Variants in IGSF11 observed in about 807,000 individuals in gnomAD.
IGSF11 encodes the protein immunoglobulin superfamily member 11, also known as CXADR like 1.
Under a neutral mutation model 41.0 loss-of-function variants are expected in IGSF11, and 22 were observed. The ratio of observed to expected loss-of-function variants is 0.54; its 90% CI spans 0.38 to 0.77. The LOEUF is 0.77. Ranked by LOEUF, IGSF11 falls within the 30% of genes least tolerant of loss-of-function variation. IGSF11 has a pLI of 0.00. For synonymous variants in IGSF11, 219 were observed against 201.3 expected, an observed-to-expected ratio of 1.09 and a Z score of -0.74; for missense variants, 444 against 530.8, an observed-to-expected ratio of 0.84 and a Z score of 1.61.
intron 1 of IGSF11, among the ~76,000 whole-genome samples, chr3:118,973,995 C>T (rs1488962525): frequency 3.3e-5 from 5 of 152,082 alleles, no homozygotes; most frequent in African/African-American, 9.6e-5. Context: ...AGCTATTGCA[C>T]GTGGGGCTTA....
chr3:118,901,625 T>G lies in IGSF11; in HGVS notation c.*895A>C, dbSNP rs2107457763. The stretch of plus-strand genomic sequence containing the variant: ...AGGCTACAACCCCTTAGCCCTACCT[T>G]CCTGCCCACACAACCTAGCTCGGTC... On this transcript the variant is annotated 3_prime_UTR_variant, in exon 7 of 7. Coordinates refer to ENST00000393775, the MANE Select transcript of IGSF11 (RefSeq NM_001015887.3). The G allele has an allele frequency of 6.6e-6, 1 of 152,184 alleles. No homozygotes were observed. Among genetic ancestry groups the G allele is most frequent in the African/African-American group, 2.4e-5 (1 of 41,492 alleles). 9.4% of individuals were successfully genotyped at this position (152,184 alleles called of 1,614,324 possible). A position where few individuals can be genotyped will look rare whatever the true frequency, so the allele number is the denominator to read the frequency against.
At chr3:118,969,909 C>G (rs1933182873) in intron 1 of IGSF11, among the ~76,000 whole-genome samples, 1 of 152,196 alleles carries the variant, frequency 6.6e-6, no homozygotes. Flanking sequence ...CTTCCCTCAT[C>G]CTCCTCATCT....
chr3:119,059,065 G>A (rs1190188888), intron 1 of IGSF11, among the ~76,000 whole-genome samples: 4 of 151,714 alleles, frequency 2.6e-5, no homozygotes, highest in African/African-American at 9.7e-5. Flanking sequence ...CATGGCACAT[G>A]TATACATATG....
intron 1 of IGSF11, among the ~76,000 whole-genome samples, chr3:119,028,797 A>T (rs1458374108): frequency 6.6e-6 from 1 of 152,132 alleles, no homozygotes; most frequent in Non-Finnish European, 1.5e-5. Flanking sequence ...GTCACACCAA[A>T]TCCCTAAAGA....
intron 1 of IGSF11, among the ~76,000 whole-genome samples, chr3:118,976,913 C>A (rs1934176440): frequency 6.6e-6 from 1 of 152,110 alleles, no homozygotes; most frequent in African/African-American, 2.4e-5. Context: ...GTCATAAATT[C>A]TCTAAGAAGT....
intron 4 of IGSF11, among the ~76,000 whole-genome samples, chr3:118,916,563 T>G (rs1347032793): frequency 6.6e-6 from 1 of 151,272 alleles, no homozygotes; most frequent in East Asian, 1.9e-4. Context: ...CTAACTATCC[T>G]AAATATATAT....
At chr3:119,123,063 C>A (rs913102015) in intron 1 of IGSF11, among the ~76,000 whole-genome samples, 1 of 152,138 alleles carries the variant, frequency 6.6e-6, no homozygotes, top group Non-Finnish European at 1.5e-5. Context: ...TGATTCCAGG[C>A]CTTGGTTCTT....
intron 2 of IGSF11, 40 bp downstream of exon 2, chr3:118,930,072 A>C: frequency 6.3e-7 from 1 of 1,576,932 alleles, no homozygotes. Flanking sequence ...CTCTGAAAAG[A>C]TTAACCTTTT....
chr3:119,017,616 TTTC>T (rs1325280777), intron 1 of IGSF11, among the ~76,000 whole-genome samples: 3 of 152,160 alleles, frequency 2.0e-5, no homozygotes, highest in Non-Finnish European at 2.9e-5. Context: ...TCTGATCATT[TTTC>T]TTGTTTATAA....
At chr3:119,137,881 A>G (rs1250789199) in intron 1 of IGSF11, among the ~76,000 whole-genome samples, 1 of 152,178 alleles carries the variant, frequency 6.6e-6, no homozygotes, top group Admixed American at 6.6e-5. Flanking sequence ...TGATAATCCA[A>G]TCAAAAATGG....
At chr3:119,127,367 A>T (rs886523733) in intron 1 of IGSF11, among the ~76,000 whole-genome samples, 1 of 152,048 alleles carries the variant, frequency 6.6e-6, no homozygotes, top group African/African-American at 2.4e-5. Flanking sequence ...TCCAAGAAAT[A>T]TGGTACTTCA....
At chr3:118,991,856 A>C (rs1935820863) in intron 1 of IGSF11, among the ~76,000 whole-genome samples, 1 of 152,270 alleles carries the variant, frequency 6.6e-6, no homozygotes, top group Non-Finnish European at 1.5e-5. Flanking sequence ...GAAAAGATAG[A>C]GAACAGAATC....
intron 1 of IGSF11, among the ~76,000 whole-genome samples, chr3:119,028,154 T>C (rs9840095): frequency 0.19 from 28,288 of 152,142 alleles, 2,826 homozygotes; most frequent in African/African-American, 0.25. Context: ...GATTAGTAAA[T>C]GACTTTTGAT....
chr3:118,957,798 C>T (rs1945068143), intron 1 of IGSF11, among the ~76,000 whole-genome samples: 1 of 152,222 alleles, frequency 6.6e-6, no homozygotes, highest in African/African-American at 2.4e-5. Flanking sequence ...AGTGCTCTGT[C>T]TATAGGCTAA....
intron 1 of IGSF11, among the ~76,000 whole-genome samples, chr3:119,022,882 C>A (rs115085893): frequency 0.01 from 1,530 of 152,178 alleles, 21 homozygotes; most frequent in African/African-American, 0.035. Flanking sequence ...ATATACCCAA[C>A]AGAAATGCAT....
chr3:118,938,546 G>T (rs1422006977), intron 1 of IGSF11, among the ~76,000 whole-genome samples: 1 of 152,148 alleles, frequency 6.6e-6, no homozygotes, highest in African/African-American at 2.4e-5. Flanking sequence ...GCAGAACCAG[G>T]CTTTGCAGTG....
At chr3:119,025,971 G>C (rs1219510141) in intron 1 of IGSF11, among the ~76,000 whole-genome samples, 2 of 152,060 alleles carry the variant, frequency 1.3e-5, no homozygotes, top group Non-Finnish European at 2.9e-5. Context: ...TAACAGATGT[G>C]GTAAGATGCC....
Position 119,056,552 on chromosome 3 carries a change from G to A in IGSF11, c.49+48592C>T, listed in dbSNP as rs572863435. ...GAATTCTACCAGAGGTACAAGGAGG[G>A]GCTGTTACCATTCCTTCTGAAACTA... On this transcript the variant is annotated intron_variant, in intron 1 of 6. Transcript: ENST00000354673. Among the ~76,000 whole-genome samples the A allele has an allele frequency of 3.9e-5, 6 of 152,124 alleles. No homozygotes were observed. In the South Asian group the frequency reaches 1.0e-3, roughly 26 times the overall value.
At chr3:118,907,108 T>C (rs1186514360) in intron 4 of IGSF11, among the ~76,000 whole-genome samples, 1 of 152,220 alleles carries the variant, frequency 6.6e-6, no homozygotes, top group South Asian at 2.1e-4. Context: ...AAAGTCCAAG[T>C]ATGCCTGGGG....
Sources: gnomAD v4.1 joint callset for allele counts (sites outside exome capture counted in the v4.1 genomes callset) on GRCh38, gnomAD v4.1.1 for gene constraint, MANE v1.5 for transcripts, NCBI Gene and HGNC (gene_info 2026-07-23, HGNC 2026-07-21) for gene names.